Variants in PNKD observed in about 807,000 individuals in gnomAD.
The protein encoded by PNKD is probable thioesterase PNKD.
Under a neutral mutation model 45.3 loss-of-function variants are expected in PNKD, and 36 were observed. That is an observed-to-expected ratio of 0.80 (90% CI 0.61 to 1.05). The LOEUF (loss-of-function observed/expected upper bound fraction) is 1.05. Among genes scored for constraint, PNKD ranks in the 50% least tolerant of loss-of-function variants. The pLI, the probability that PNKD is intolerant of heterozygous loss-of-function variation, is 0.00. For synonymous variants in PNKD, 197 were observed against 210.1 expected (o/e 0.94, Z 0.54); for missense variants, 511 against 506.6 (o/e 1.01, Z -0.08).
chr2:218,285,034 G>A (rs986335949), intron 2 of PNKD, among the ~76,000 whole-genome samples: 9 of 152,216 alleles, frequency 5.9e-5, no homozygotes, highest in Admixed American at 2.0e-4. Context: ...AGATTCCAGT[G>A]AGCCACAATC....
intron 2 of PNKD, among the ~76,000 whole-genome samples, chr2:218,325,527 A>C (rs1463906214): frequency 6.6e-6 from 1 of 152,080 alleles, no homozygotes; most frequent in Admixed American, 6.5e-5. Flanking sequence ...TTTTTAATGA[A>C]AACATTTTCT....
At chr2:218,312,788 T>C (rs1693656050) in intron 2 of PNKD, among the ~76,000 whole-genome samples, 1 of 151,834 alleles carries the variant, frequency 6.6e-6, no homozygotes, top group South Asian at 2.1e-4. Flanking sequence ...CACAAGAATC[T>C]CTTGAACCCG....
intron 2 of PNKD, among the ~76,000 whole-genome samples, chr2:218,335,143 C>T (rs1404466320): frequency 1.3e-5 from 2 of 151,358 alleles, no homozygotes; most frequent in African/African-American, 2.4e-5. Context: ...AGAGGAAGAT[C>T]CCATCTCTTT....
chr2:218,340,183 T>A lies in PNKD; in HGVS notation c.465+42T>A. 2 of 1,268,740 alleles carry A rather than the reference T, an allele frequency of 1.6e-6. No individual in the cohort carries two copies. The highest frequency in any genetic ancestry group is 2.3e-6 in the Non-Finnish European group (2 of 868,792). The allele number at this position is 1,268,740 out of a possible 1,614,324, so 78.6% of individuals were successfully genotyped here. A position where few individuals can be genotyped will look rare whatever the true frequency, so the allele number is the denominator to read the frequency against. ...GAGCAGGGGGTGCCTGGAGTCACCT[T>A]GGGGACTGGCAGTTTCGCCTTGCTA... On this transcript the variant is annotated intron_variant, in intron 4 of 9. Transcript: ENST00000273077. This position sits in a 1 kb window ranked among gnomAD's most constrained non-coding sequence, Gnocchi z 4.2.
At chr2:218,293,192 T>C (rs1193880158) in intron 2 of PNKD, among the ~76,000 whole-genome samples, 1 of 152,200 alleles carries the variant, frequency 6.6e-6, no homozygotes, top group Non-Finnish European at 1.5e-5. Context: ...AAGTCCTACA[T>C]TGAGATGTAG....
chr2:218,334,164 G>C (rs143100911), intron 2 of PNKD, among the ~76,000 whole-genome samples: 71 of 151,878 alleles, frequency 4.7e-4, no homozygotes, highest in African/African-American at 1.5e-3. Context: ...TTTCAGACTT[G>C]TCAAAATAGT....
At chr2:218,279,346 G>C in intron 2 of PNKD, 2 of 1,578,990 alleles carry the variant, frequency 1.3e-6, no homozygotes, top group Non-Finnish European at 1.7e-6. Flanking sequence ...GGAGATGATG[G>C]AGTAAACCTG....
chr2:218,276,095 A>G, intron 2 of PNKD: 1 of 1,611,904 alleles, frequency 6.2e-7, no homozygotes, highest in Non-Finnish European at 8.5e-7. Flanking sequence ...GAAGAAGGGG[A>G]CAGAGAATGG....
chr2:218,279,788 A>AT (rs1465309063), intron 2 of PNKD, among the ~76,000 whole-genome samples: 5 of 152,126 alleles, frequency 3.3e-5, no homozygotes, highest in African/African-American at 7.2e-5. Context: ...CACCTAGGAG[A>AT]TTCTCCCAGA....
intron 8 of PNKD, among the ~76,000 whole-genome samples, chr2:218,344,004 TATTC>T (rs376158568): frequency 2.0e-5 from 3 of 152,270 alleles, no homozygotes; most frequent in Middle Eastern, 3.4e-3. Flanking sequence ...TCAGAACATA[TATTC>T]ATTCATTCAT....
intron 2 of PNKD, among the ~76,000 whole-genome samples, chr2:218,329,418 G>A (rs1378415951): frequency 6.6e-6 from 1 of 152,234 alleles, no homozygotes; most frequent in African/African-American, 2.4e-5. Flanking sequence ...CCCTTGGCGG[G>A]CAGGTGGCCT....
intron 2 of PNKD, chr2:218,277,794 A>G: frequency 3.2e-6 from 5 of 1,543,548 alleles, no homozygotes; most frequent in Non-Finnish European, 4.5e-6. Flanking sequence ...AGAGGCAGCC[A>G]CAGAGGAGAT....
chr2:218,339,096 T>C (rs546200172), intron 2 of PNKD, among the ~76,000 whole-genome samples: 10 of 152,100 alleles, frequency 6.6e-5, no homozygotes, highest in African/African-American at 2.4e-4. Context: ...GTACCCAACC[T>C]TCTTCAGATG....
intron 2 of PNKD, chr2:218,274,108 G>C (rs1016756159): frequency 1.9e-4 from 30 of 154,922 alleles, no homozygotes; most frequent in African/African-American, 7.0e-4. Flanking sequence ...TGATTACCTT[G>C]GAAAAGGTGG....
In PNKD at chr2:218,340,059, C is replaced by G; in HGVS notation, c.383C>G (p.Ser128Trp). 1 of 1,612,700 alleles carries G rather than the reference C, an allele frequency of 6.2e-7. No homozygotes were observed. Among genetic ancestry groups the G allele is most frequent in the Non-Finnish European group, 8.5e-7 (1 of 1,178,684 alleles). ...GVKVLPIPVL[S>W]DNYSYLIIDT... ...AAGGTGCTTCCCATCCCTGTCCTCT[C>G]GGACAACTACAGCTACCTCATCATC... Residue 128 changes from serine (S) to tryptophan (W), a missense_variant, in exon 4 of 10, where the codon TCG (serine) becomes TGG (tryptophan). Transcript: ENST00000273077. The surrounding 1 kb of genome is among the most constrained non-coding windows in gnomAD (Gnocchi z 4.2).
In PNKD at chr2:218,346,673, CTG is replaced by C. The variant is rs1694833694; in HGVS notation, c.*1695_*1696del. On this transcript the variant is annotated 3_prime_UTR_variant, in exon 10 of 10. Coordinates refer to ENST00000273077, the MANE Select transcript of PNKD (RefSeq NM_015488.5). ...TTACATGTTTGTCTCCCCTTCTAGA[CTG>C]TGAATCCTTAAGGGCATGGACTGTA... 1 of 154,008 alleles carries C rather than the reference CTG, an allele frequency of 6.5e-6. No homozygotes were observed. Among genetic ancestry groups the C allele is most frequent in the Non-Finnish European group, 1.5e-5 (1 of 68,098 alleles). 9.5% of individuals were successfully genotyped at this position (154,008 alleles called of 1,614,324 possible).
At chr2:218,302,896 A>G (rs1355819175) in intron 2 of PNKD, among the ~76,000 whole-genome samples, 1 of 152,050 alleles carries the variant, frequency 6.6e-6, no homozygotes, top group African/African-American at 2.4e-5. Flanking sequence ...GCAATTGATT[A>G]AAAGAGTTAC....
At chr2:218,315,018 T>TTC (rs71064432) in intron 2 of PNKD, among the ~76,000 whole-genome samples, 28 of 2,290 alleles carry the variant, frequency 0.012, 2 homozygotes, top group Admixed American at 0.031. Flanking sequence ...TTCTTTTTCT[T>TTC]TCTTTCTTTC....
At chr2:218,279,957 G>A in intron 2 of PNKD, 2 of 1,153,826 alleles carry the variant, frequency 1.7e-6, no homozygotes, top group South Asian at 2.5e-5. Context: ...GGCTACTGTG[G>A]CCTACCCACT....
Sources: allele counts gnomAD v4.1 joint callset (sites outside exome capture counted in the v4.1 genomes callset), GRCh38; gene constraint gnomAD v4.1.1; non-coding constraint Gnocchi (gnomAD v3.1); transcripts MANE v1.5; gene names NCBI Gene and HGNC (gene_info 2026-07-23, HGNC 2026-07-21).